Variants in DGKK observed in about 807,000 individuals in gnomAD.
The protein encoded by DGKK is 142 kDa diacylglycerol kinase.
In DGKK, 35 loss-of-function variants were observed where a neutral mutation model predicts 92.2. The observed-to-expected ratio is 0.38, with a 90% CI of 0.29 to 0.50. DGKK has a LOEUF of 0.50. Ranked by LOEUF, DGKK falls within the 20% of genes least tolerant of loss-of-function variation. The probability of loss-of-function intolerance (pLI) is 0.92; values close to 1 mark genes in which losing one functional copy is unlikely to be tolerated. For synonymous variants in DGKK, 368 were observed against 360.6 expected (o/e 1.02, Z -0.23); for missense variants, 910 against 992.2 (o/e 0.92, Z 1.11).
intron 12 of DGKK, among the ~76,000 whole-genome samples, chrX:50,389,229 C>T (rs782779493): frequency 8.9e-6 from 1 of 111,917 alleles, no homozygotes; most frequent in Non-Finnish European, 1.9e-5. Context: ...ACAACTTCTA[C>T]TCCTTCCTCT....
intron 4 of DGKK, among the ~76,000 whole-genome samples, chrX:50,416,518 C>G (rs1032461331): frequency 8.9e-6 from 1 of 111,988 alleles, no homozygotes; most frequent in Non-Finnish European, 1.9e-5. Context: ...CATAAAGGAG[C>G]CTTTTTGGGG....
At chrX:50,392,046 GCTGT>G (rs113918247) in intron 10 of DGKK, among the ~76,000 whole-genome samples, 27,854 of 110,649 alleles carry the variant, frequency 0.25, 2,776 homozygotes, top group Middle Eastern at 0.39. Context: ...GGGGTTGAGT[GCTGT>G]CTAAGACCAC....
chrX:50,400,387 A>G (rs1924971206), intron 8 of DGKK, among the ~76,000 whole-genome samples: 1 of 111,900 alleles, frequency 8.9e-6, no homozygotes, highest in Non-Finnish European at 1.9e-5. Context: ...CCTCCTATAA[A>G]TGGTTAATAT....
Position 50,468,857 on chromosome X carries a change from TTG to T in DGKK, c.645+1175_645+1176del, listed in dbSNP as rs145971796. Among the ~76,000 whole-genome samples the T allele has an allele frequency of 8.5e-3, 878 of 102,979 alleles. 8 individuals are homozygous for T. Among genetic ancestry groups the T allele is most frequent in the African/African-American group, 0.023 (656 of 28,363 alleles). 89.4% of individuals were successfully genotyped at this position (102,979 alleles called of 115,157 possible). ...ATTGTTCGTGTGTTGTGTTATTCGT[TTG>T]TGTGTGTGTGTGTGTGTGTGTGAAT... On this transcript the variant is annotated intron_variant, in intron 1 of 27. Coordinates refer to ENST00000611977, the MANE Select transcript of DGKK (RefSeq NM_001013742.4).
Position 50,470,220 on chromosome X carries a change from C to G in DGKK, c.459G>C (p.Pro153=). The stretch of plus-strand genomic sequence containing the variant: ...CCAGCTCTGTCACAGGTTCTGGGGT[C>G]GGCTCTGGGGCCAGCTCTGGGGCAA... The part of the protein sequence containing the change: ...PEVAPELAPE[P]TPEPVTELAP... Residue 153 remains proline (P), a synonymous_variant, in exon 1 of 28, where the codon CCG becomes CCC. Transcript: ENST00000611977. 8.3e-7 allele frequency: 1 copy of G among 1,211,284 alleles called. No individual in the cohort carries two copies. Among genetic ancestry groups the G allele is most frequent in the Non-Finnish European group, 1.1e-6 (1 of 895,253 alleles).
chrX:50,426,361 C>A (rs191238263), intron 1 of DGKK, among the ~76,000 whole-genome samples: 2 of 112,086 alleles, frequency 1.8e-5, no homozygotes, highest in Admixed American at 1.9e-4. Context: ...AAGTCATGGG[C>A]TAGTAAACAA....
chrX:50,397,897 C>T (rs1557226258), intron 8 of DGKK, among the ~76,000 whole-genome samples: 2 of 111,142 alleles, frequency 1.8e-5, no homozygotes, highest in Non-Finnish European at 3.8e-5. Context: ...TGAGATATGT[C>T]TTCTTGGTTT....
At chrX:50,382,839 A>T (rs1230944123) in intron 17 of DGKK, among the ~76,000 whole-genome samples, 2 of 111,956 alleles carry the variant, frequency 1.8e-5, no homozygotes, top group African/African-American at 3.2e-5. Flanking sequence ...TGGGATTGGA[A>T]CTCATAATAA....
At chrX:50,425,540 C>G (rs781803053) in intron 1 of DGKK, among the ~76,000 whole-genome samples, 1 of 108,165 alleles carries the variant, frequency 9.2e-6, no homozygotes, top group African/African-American at 3.5e-5. Flanking sequence ...CACACACACA[C>G]ATACACACAC....
intron 1 of DGKK, among the ~76,000 whole-genome samples, chrX:50,426,582 C>T (rs1925747689): frequency 9.0e-6 from 1 of 111,103 alleles, no homozygotes; most frequent in African/African-American, 3.3e-5. Context: ...TCCCAACAAA[C>T]CAGTAGCCAC....
chrX:50,440,503 C>T (rs1429262347), intron 1 of DGKK, among the ~76,000 whole-genome samples: 2 of 111,491 alleles, frequency 1.8e-5, no homozygotes, highest in Non-Finnish European at 3.8e-5. Flanking sequence ...AACAAAAATC[C>T]AACCCTTTCT....
chrX:50,397,455 G>C (rs868947119), intron 8 of DGKK, among the ~76,000 whole-genome samples: 1 of 112,058 alleles, frequency 8.9e-6, no homozygotes, highest in African/African-American at 3.2e-5. Flanking sequence ...TAACCACAGA[G>C]AGGTTAAGTA....
intron 4 of DGKK, among the ~76,000 whole-genome samples, chrX:50,414,311 T>C (rs1441724246): frequency 6.3e-5 from 7 of 111,316 alleles, no homozygotes; most frequent in African/African-American, 2.3e-4. Context: ...ATGAATTATA[T>C]AGAGTATTTT....
intron 1 of DGKK, among the ~76,000 whole-genome samples, chrX:50,460,197 T>C (rs1926709593): frequency 8.9e-6 from 1 of 111,997 alleles, no homozygotes; most frequent in Non-Finnish European, 1.9e-5. Context: ...GTTTCAAGTC[T>C]CTTTACTGAC....
chrX:50,383,233 G>A (rs1327054572), intron 17 of DGKK, among the ~76,000 whole-genome samples: 1 of 111,485 alleles, frequency 9.0e-6, no homozygotes, highest in Non-Finnish European at 1.9e-5. Context: ...CAGATTCAAT[G>A]GCATTATATC....
chrX:50,376,212 C>A (rs1446333836), intron 23 of DGKK, 47 bp from the exon 24 acceptor site: 2 of 1,185,883 alleles, frequency 1.7e-6, no homozygotes, highest in Non-Finnish European at 2.3e-6. Context: ...TTCTGAAGGA[C>A]TTCTGGCCTG....
At chrX:50,446,733 G>C (rs141104742) in intron 1 of DGKK, among the ~76,000 whole-genome samples, 1,146 of 111,005 alleles carry the variant, frequency 0.01, 7 homozygotes, top group Middle Eastern at 0.046. Context: ...TTTTGATGAG[G>C]TATAATTGAT....
chrX:50,461,364 T>C (rs1273749859), intron 1 of DGKK, among the ~76,000 whole-genome samples: 1 of 112,183 alleles, frequency 8.9e-6, no homozygotes, highest in Non-Finnish European at 1.9e-5. Context: ...TTCCCCAAAG[T>C]CTTACTACAG....
intron 1 of DGKK, among the ~76,000 whole-genome samples, chrX:50,429,431 A>G (rs1448416523): frequency 8.9e-6 from 1 of 112,345 alleles, no homozygotes; most frequent in East Asian, 2.8e-4. Context: ...CACGCCTGTA[A>G]TCCCAGCACT....
Sources: gnomAD v4.1 joint callset for allele counts (sites outside exome capture counted in the v4.1 genomes callset) on GRCh38, gnomAD v4.1.1 for gene constraint, MANE v1.5 for transcripts, NCBI Gene and HGNC (gene_info 2026-07-23, HGNC 2026-07-21) for gene names.